The following RAD51B variants were observed in gnomAD, a reference collection of about 807,000 sequenced individuals.
RAD51B encodes the protein DNA repair protein RAD51 homolog 2.
In RAD51B, 38 loss-of-function variants were observed where a neutral mutation model predicts 42.2. The observed-to-expected ratio is 0.90, with a 90% CI of 0.70 to 1.18. The LOEUF (loss-of-function observed/expected upper bound fraction) is 1.18. Among genes scored for constraint, RAD51B ranks in the 50% most tolerant of loss-of-function variants. The pLI is 0.00. For synonymous variants in RAD51B, 154 were observed against 145.2 expected (o/e 1.06, Z -0.43); for missense variants, 373 against 400.7 (o/e 0.93, Z 0.59).
intron 7 of RAD51B, among the ~76,000 whole-genome samples, chr14:68,068,263 T>G (rs1252192815): frequency 6.6e-6 from 1 of 151,838 alleles, no homozygotes. Flanking sequence ...GTACCATTAA[T>G]AGTCACTCTG....
At chr14:68,102,039 C>T (rs2077299540) in intron 7 of RAD51B, among the ~76,000 whole-genome samples, 1 of 152,226 alleles carries the variant, frequency 6.6e-6, no homozygotes, top group Non-Finnish European at 1.5e-5. Context: ...GGGACTTGCA[C>T]TCTCTGAAGC....
At position 68,551,349 on chromosome 14, in the gene RAD51B, G is replaced by A. The variant is rs552468137; in HGVS notation, c.1037-43136G>A. On this transcript the variant is annotated intron_variant, in intron 10 of 10. Transcript: ENST00000487270. Reference sequence around the variant, plus strand: ...CCTTCAGCCCCAAGTCGCGTCCCTCGCAGGTTTGATGCCCAAGCAGCAGAT... The same window carrying A: ...CCTTCAGCCCCAAGTCGCGTCCCTCACAGGTTTGATGCCCAAGCAGCAGAT... Among the ~76,000 whole-genome samples the A allele has an allele frequency of 3.0e-4, 45 of 152,284 alleles. 1 individual carries two copies. The South Asian group carries it at 7.9e-3, about 27-fold the overall frequency.
chr14:68,330,271 C>T (rs190239199), intron 8 of RAD51B, among the ~76,000 whole-genome samples: 6 of 152,108 alleles, frequency 3.9e-5, no homozygotes, highest in African/African-American at 1.2e-4. Context: ...GGCTATTTAA[C>T]TAAAAGAAAA....
At chr14:68,431,610 T>C (rs1350538959) in intron 9 of RAD51B, among the ~76,000 whole-genome samples, 1 of 152,208 alleles carries the variant, frequency 6.6e-6, no homozygotes, top group Non-Finnish European at 1.5e-5. Context: ...CCCTTTATCA[T>C]TTTTTATTGC....
At chr14:68,351,859 T>C (rs1455807686) in intron 8 of RAD51B, among the ~76,000 whole-genome samples, 1 of 152,192 alleles carries the variant, frequency 6.6e-6, no homozygotes, top group Non-Finnish European at 1.5e-5. Context: ...AAGATCCCAC[T>C]AGCTGCAGTG....
intron 8 of RAD51B, among the ~76,000 whole-genome samples, chr14:68,293,509 G>T (rs75922419): frequency 2.5e-4 from 38 of 151,952 alleles, no homozygotes; most frequent in African/African-American, 8.7e-4. Context: ...TTCAAATTTA[G>T]TTCCTGCCGA....
chr14:68,444,937 C>A (rs2085388491), intron 9 of RAD51B, among the ~76,000 whole-genome samples: 1 of 152,172 alleles, frequency 6.6e-6, no homozygotes, highest in South Asian at 2.1e-4. Context: ...GGCCCACAGG[C>A]ATATCCGTGC....
intron 7 of RAD51B, among the ~76,000 whole-genome samples, chr14:68,189,783 A>G (rs903554126): frequency 6.6e-6 from 1 of 152,084 alleles, no homozygotes; most frequent in Non-Finnish European, 1.5e-5. Context: ...CTCCTGTCTC[A>G]GCCTCCTGAG....
chr14:67,885,972 G>C lies in RAD51B; in HGVS notation c.556G>C (p.Asp186His), dbSNP rs1407508597. 3.1e-6 allele frequency: 5 copies of C among 1,598,840 alleles called. No homozygotes were observed. The highest frequency in any genetic ancestry group is 2.7e-5 in the African/African-American group (2 of 74,586). Reference protein sequence around the residue: ...KVHLYRELTCDEVLQRIESLE... With the variant: ...KVHLYRELTCHEVLQRIESLE... The stretch of plus-strand genomic sequence containing the variant: ...TCATCTTTATCGGGAACTCACCTGT[G>C]ATGAAGTTCTACAAAGGTATGCTGC... The change falls in exon 6 of 11, where the codon GAT becomes CAT. Residue 186 changes from aspartate to histidine, a missense_variant. Physicochemically the swap from Asp to His is moderately conservative, Grantham distance 81. Transcript: ENST00000471583.
At chr14:67,873,293 C>G (rs2042607630) in intron 5 of RAD51B, among the ~76,000 whole-genome samples, 1 of 152,190 alleles carries the variant, frequency 6.6e-6, no homozygotes, top group Non-Finnish European at 1.5e-5. Flanking sequence ...TGAACAGACA[C>G]TTCTCAAAAG....
At chr14:67,981,581 TAAAC>T (rs1555335818) in intron 7 of RAD51B, among the ~76,000 whole-genome samples, 2 of 152,306 alleles carry the variant, frequency 1.3e-5, no homozygotes, top group South Asian at 4.1e-4. Context: ...AGTGAATGGA[TAAAC>T]AAACTATAGT....
intron 7 of RAD51B, among the ~76,000 whole-genome samples, chr14:67,942,362 T>A (rs952379469): frequency 5.3e-5 from 8 of 152,166 alleles, no homozygotes; most frequent in African/African-American, 1.9e-4. Flanking sequence ...TTCTAACAAA[T>A]AAACATATCC....
chr14:68,647,595 C>T lies in RAD51B; in HGVS notation c.1037-3186C>T, dbSNP rs139953986. Among the ~76,000 whole-genome samples, 3 of 152,210 alleles carry T rather than the reference C, an allele frequency of 2.0e-5. No individual in the cohort carries two copies. In the East Asian group the frequency reaches 5.8e-4, roughly 29 times the overall value. On this transcript the variant is annotated intron_variant, in intron 10 of 11. Coordinates refer to the RAD51B transcript ENST00000488612. ...ACTAACATAGTGGGACTACATGAGG[C>T]AGAATTAAGATGAATACACACAGTC... is the stretch of plus-strand genomic sequence containing the variant.
intron 7 of RAD51B, among the ~76,000 whole-genome samples, chr14:67,924,455 C>G (rs565164791): frequency 3.9e-5 from 6 of 152,290 alleles, no homozygotes; most frequent in African/African-American, 1.4e-4. Flanking sequence ...ATACCCGAGA[C>G]TGGGCAATTT....
intron 7 of RAD51B, among the ~76,000 whole-genome samples, chr14:68,259,962 C>G (rs950363226): frequency 1.4e-4 from 21 of 152,126 alleles, no homozygotes; most frequent in African/African-American, 5.1e-4. Flanking sequence ...CCTCAAGGAG[C>G]TTTCATTCCA....
At chr14:67,823,373 G>A (rs1330858983) in intron 1 of RAD51B, 169 bp from the exon 2 acceptor site, 2 of 541,552 alleles carry the variant, frequency 3.7e-6, no homozygotes, top group Middle Eastern at 3.6e-4. Flanking sequence ...ATTTAAAAAG[G>A]TTCTATAGCA....
At chr14:68,256,966 G>T (rs1030814834) in intron 7 of RAD51B, among the ~76,000 whole-genome samples, 1 of 152,126 alleles carries the variant, frequency 6.6e-6, no homozygotes, top group African/African-American at 2.4e-5. Context: ...TGGAGTATAG[G>T]TTCCAGGAAA....
chr14:68,449,607 T>G lies in RAD51B; in HGVS notation c.958-18565T>G, dbSNP rs550808226. Among the ~76,000 whole-genome samples, 5 of 152,316 alleles carry G rather than the reference T, an allele frequency of 3.3e-5. No individual in the cohort carries two copies. In the South Asian group the frequency reaches 1.0e-3, roughly 32 times the overall value. The stretch of plus-strand genomic sequence containing the variant: ...CCAGCTGTCCCCAAGATCACACTCC[T>G]TCATCATGTGTCTCCTGAGAGTCAG... On this transcript the variant is annotated intron_variant, in intron 9 of 10. Coordinates refer to ENST00000471583, the MANE Select transcript of RAD51B (RefSeq NM_133510.4).
intron 7 of RAD51B, among the ~76,000 whole-genome samples, chr14:68,091,099 CATT>C (rs982114743): frequency 2.0e-5 from 3 of 152,106 alleles, no homozygotes; most frequent in African/African-American, 7.2e-5. Flanking sequence ...TCCAGTCTAT[CATT>C]GTTGGACATT....
Sources: gnomAD v4.1 joint callset for allele counts (sites outside exome capture counted in the v4.1 genomes callset) on GRCh38, gnomAD v4.1.1 for gene constraint, MANE v1.5 for transcripts, NCBI Gene and HGNC (gene_info 2026-07-23, HGNC 2026-07-21) for gene names.